Variants in ANKRD55 observed in about 807,000 individuals in gnomAD.
ANKRD55 encodes the protein ankyrin repeat domain 55, also known as ankyrin repeat domain-containing protein 55.
Under a neutral mutation model 60.6 loss-of-function variants are expected in ANKRD55, and 41 were observed. That is an observed-to-expected ratio of 0.68 (90% CI 0.53 to 0.88). The LOEUF (loss-of-function observed/expected upper bound fraction) is 0.88, where lower values mean the gene tolerates loss of function less well. Among genes scored for constraint, ANKRD55 ranks in the 40% least tolerant of loss-of-function variants. The probability of loss-of-function intolerance (pLI) is 0.00; values close to 1 mark genes in which losing one functional copy is unlikely to be tolerated. For missense variants in ANKRD55, 732 were observed against 767.6 expected (o/e 0.95, Z 0.55); for synonymous variants, 264 against 290.3 (o/e 0.91, Z 0.92).
In ANKRD55 at chr5:56,170,790, C is replaced by G; in HGVS notation, c.326G>C (p.Gly109Ala). ...CLATYLGWLE[G>A]CVSLLRNGAK... ...ACCGTTTCTGAGTAGACTCACACAGCCTTCAAGCCAGCCCTGAAATACAAG... is the reference window on the plus strand; with the variant it reads ...ACCGTTTCTGAGTAGACTCACACAGGCTTCAAGCCAGCCCTGAAATACAAG... Residue 109 changes from glycine (G) to alanine (A), a missense_variant, in exon 5 of 12, where the codon GGC becomes GCC. Transcript: ENST00000341048. The G allele has an allele frequency of 2.5e-6, 4 of 1,614,130 alleles. No homozygotes were observed. Among genetic ancestry groups the G allele is most frequent in the Non-Finnish European group, 3.4e-6 (4 of 1,180,006 alleles).
At chr5:56,130,293 T>C (rs1580963826) in intron 7 of ANKRD55, among the ~76,000 whole-genome samples, 1 of 152,200 alleles carries the variant, frequency 6.6e-6, no homozygotes, top group African/African-American at 2.4e-5. Context: ...CAGAGCCTAA[T>C]TGACCTTAGG....
At position 56,103,342 on chromosome 5, in the gene ANKRD55, C is replaced by T. The variant is rs568848481; in HGVS notation, c.1631-756G>A. Among the ~76,000 whole-genome samples, 23 of 152,334 alleles carry T rather than the reference C, an allele frequency of 1.5e-4. No homozygotes were observed. In the South Asian group the frequency reaches 4.8e-3, roughly 32 times the overall value. ...GTGTATTTACACCGTGAAAAATCAG[C>T]AAGCACAGATTTTTCTCCTGGAAAG... is the stretch of plus-strand genomic sequence containing the variant. On this transcript the variant is annotated intron_variant, in intron 10 of 11. Transcript: ENST00000341048.
intron 2 of ANKRD55, among the ~76,000 whole-genome samples, chr5:56,223,292 C>G (rs1476666695): frequency 1.3e-5 from 2 of 152,146 alleles, no homozygotes; most frequent in Non-Finnish European, 2.9e-5. Context: ...CCTTTGCAGA[C>G]AAGCAAATGC....
At chr5:56,171,688 T>C (rs1021196137) in intron 4 of ANKRD55, among the ~76,000 whole-genome samples, 28 of 152,200 alleles carry the variant, frequency 1.8e-4, no homozygotes, top group African/African-American at 6.8e-4. Flanking sequence ...TTATGAAGAA[T>C]AATAGGATAA....
At chr5:56,110,220 A>G (rs2111671953) in intron 10 of ANKRD55, among the ~76,000 whole-genome samples, 1 of 145,266 alleles carries the variant, frequency 6.9e-6, no homozygotes, top group Admixed American at 6.8e-5. Context: ...AACACAGTGA[A>G]ACTCCATCTC....
chr5:56,149,684 C>A (rs927699458), intron 6 of ANKRD55, among the ~76,000 whole-genome samples: 2 of 152,036 alleles, frequency 1.3e-5, no homozygotes, highest in South Asian at 4.1e-4. Context: ...AAGGAGATCA[C>A]CTTGGGAGGC....
intron 6 of ANKRD55, among the ~76,000 whole-genome samples, chr5:56,155,531 G>A (rs1758169619): frequency 6.6e-6 from 1 of 152,132 alleles, no homozygotes; most frequent in Admixed American, 6.5e-5. Flanking sequence ...TTCTCAGAAG[G>A]TCAGATAACA....
intron 2 of ANKRD55, among the ~76,000 whole-genome samples, chr5:56,199,577 T>C (rs953548390): frequency 7.2e-6 from 1 of 139,102 alleles, no homozygotes; most frequent in Non-Finnish European, 1.5e-5. Flanking sequence ...ATTACCATGT[T>C]CAAAGTTAAA....
intron 6 of ANKRD55, among the ~76,000 whole-genome samples, chr5:56,151,907 G>GTA (rs1488439201): frequency 7.0e-6 from 1 of 142,978 alleles, no homozygotes; most frequent in Admixed American, 7.1e-5. Context: ...GTATATGTGT[G>GTA]TATATACACA....
intron 2 of ANKRD55, among the ~76,000 whole-genome samples, chr5:56,206,965 G>A (rs1051691109): frequency 6.6e-6 from 1 of 152,192 alleles, no homozygotes; most frequent in Non-Finnish European, 1.5e-5. Flanking sequence ...CTCCCACAGT[G>A]TGATCTTCCT....
intron 5 of ANKRD55, among the ~76,000 whole-genome samples, 159 bp from the exon 6 acceptor site, chr5:56,160,052 A>G (rs1387693423): frequency 6.6e-6 from 1 of 152,158 alleles, no homozygotes; most frequent in African/African-American, 2.4e-5. Context: ...TCCACAGAAA[A>G]GAAGCAAGAG....
At chr5:56,202,680 G>A (rs1344127391) in intron 2 of ANKRD55, among the ~76,000 whole-genome samples, 1 of 152,214 alleles carries the variant, frequency 6.6e-6, no homozygotes, top group Admixed American at 6.5e-5. Flanking sequence ...CATTCTGTGG[G>A]GAGGAAGTCT....
intron 5 of ANKRD55, among the ~76,000 whole-genome samples, chr5:56,166,143 TTTCTTTCTTTCTTCTTTCC>T (rs1758462667): frequency 1.0e-5 from 1 of 98,876 alleles, no homozygotes. Context: ...TCTTTCTTTC[TTTCTTTCTTTCTTCTTTCC>T]TTCCTTCCTT....
At chr5:56,117,201 C>A (rs1461005365) in intron 8 of ANKRD55, among the ~76,000 whole-genome samples, 2 of 152,170 alleles carry the variant, frequency 1.3e-5, no homozygotes, top group East Asian at 3.8e-4. Context: ...TTTTGGTAGG[C>A]AAAATATGCT....
At position 56,186,031 on chromosome 5, in the gene ANKRD55, G is replaced by A. The variant is rs1758963985; in HGVS notation, c.59-2397C>T. ...CCTGGGGGCCAGAAGTGAAAGAGGA[G>A]GGGTGTCCAGGTCAAATGCCACTCC... is the stretch of plus-strand genomic sequence containing the variant. On this transcript the variant is annotated intron_variant, in intron 2 of 11. Coordinates refer to ENST00000341048, the MANE Select transcript of ANKRD55 (RefSeq NM_024669.3). 6.6e-5 allele frequency among the ~76,000 whole-genome samples: 10 copies of A among 152,360 alleles called. No individual in the cohort carries two copies. In the South Asian group the frequency reaches 1.9e-3, roughly 28 times the overall value.
chr5:56,201,265 G>A (rs1759369338), intron 2 of ANKRD55, among the ~76,000 whole-genome samples: 1 of 152,114 alleles, frequency 6.6e-6, no homozygotes, highest in Non-Finnish European at 1.5e-5. Flanking sequence ...AGCATGCCAG[G>A]CCTTACACTG....
chr5:56,118,484 G>C (rs1422162064), intron 8 of ANKRD55, among the ~76,000 whole-genome samples: 2 of 151,838 alleles, frequency 1.3e-5, no homozygotes, highest in Non-Finnish European at 2.9e-5. Context: ...AATTAACCAG[G>C]CATGCTGGCG....
chr5:56,213,594 G>A (rs1448908083), intron 2 of ANKRD55, among the ~76,000 whole-genome samples: 6 of 152,044 alleles, frequency 3.9e-5, no homozygotes, highest in Admixed American at 2.0e-4. Context: ...TTAAAATAGT[G>A]AGATTCTGCT....
rs1465319705 is a variant in ANKRD55, at chr5:56,111,620, T to C, written c.1128A>G (p.Ser376=). ...AGGTGGTGATGATGTCATTGACTTC[T>C]GAGGTGTCCTCCTCTCTGTATCGGT... ...SRDRYREEDT[S]EVNDIITTFD... is the part of the protein sequence containing the mutation. The change falls in exon 10 of 12, where the codon TCA becomes TCG. Residue 376 remains serine, a synonymous_variant. Transcript: ENST00000341048. The C allele has an allele frequency of 4.4e-6, 7 of 1,580,510 alleles. No individual in the cohort carries two copies. Among genetic ancestry groups the C allele is most frequent in the Middle Eastern group, 1.7e-4 (1 of 5,848 alleles).
Sources: allele counts gnomAD v4.1 joint callset (sites outside exome capture counted in the v4.1 genomes callset), GRCh38; gene constraint gnomAD v4.1.1; transcripts MANE v1.5; gene names NCBI Gene and HGNC (gene_info 2026-07-23, HGNC 2026-07-21).